Variants in DMRT1 observed in about 807,000 individuals in gnomAD.
DMRT1 encodes doublesex and mab-3 related transcription factor 1, also known as doublesex- and mab-3-related transcription factor 1.
In DMRT1, 7 loss-of-function variants were observed where a neutral mutation model predicts 32.3. That is an observed-to-expected ratio of 0.22 (90% CI 0.12 to 0.41). DMRT1 has a LOEUF of 0.41. Among genes scored for constraint, DMRT1 ranks in the 10% least tolerant of loss-of-function variants. The pLI is 1.00. For synonymous variants in DMRT1, 278 were observed against 206.1 expected, an observed-to-expected ratio of 1.35 and a Z score of -2.99; for missense variants, 625 against 500.5, an observed-to-expected ratio of 1.25 and a Z score of -2.37.
chr9:932,453 T>C (rs1818756485), intron 4 of DMRT1, among the ~76,000 whole-genome samples: 2 of 152,216 alleles, frequency 1.3e-5, no homozygotes, highest in Non-Finnish European at 2.9e-5. Flanking sequence ...AATGTCTATA[T>C]AGACCATCCA....
At chr9:939,575 C>T (rs1288550483) in intron 4 of DMRT1, among the ~76,000 whole-genome samples, 1 of 152,052 alleles carries the variant, frequency 6.6e-6, no homozygotes, top group African/African-American at 2.4e-5. Context: ...CTTTATTATT[C>T]CTTTATTGGC....
chr9:933,616 A>T (rs190219896), intron 4 of DMRT1, among the ~76,000 whole-genome samples: 2,938 of 152,260 alleles, frequency 0.019, 48 homozygotes, highest in Middle Eastern at 0.061. Context: ...GTAGACCTGC[A>T]CCATCCAGTA....
intron 2 of DMRT1, among the ~76,000 whole-genome samples, chr9:853,387 G>A (rs931920327): frequency 6.6e-6 from 1 of 151,546 alleles, no homozygotes; most frequent in Non-Finnish European, 1.5e-5. Context: ...ATTCTCTGTG[G>A]GGTTATTTAA....
At position 885,796 on chromosome 9, in the gene DMRT1, C is replaced by T. The variant is rs1417580527; in HGVS notation, c.539-8116C>T. On this transcript the variant is annotated intron_variant, in intron 2 of 4. Transcript: ENST00000382276. ...TCGCAAGGGACCACGCCCACCTCTA[C>T]CCAGCACTTCCCTGCCCACTTCTGT... Among the ~76,000 whole-genome samples the T allele has an allele frequency of 7.9e-5, 12 of 152,286 alleles. No individual in the cohort carries two copies. The East Asian group carries it at 2.3e-3, about 29-fold the overall frequency.
chr9:950,943 A>G (rs1275632741), intron 4 of DMRT1, among the ~76,000 whole-genome samples: 2 of 152,214 alleles, frequency 1.3e-5, no homozygotes, highest in Non-Finnish European at 2.9e-5. Flanking sequence ...TTCTTAAATA[A>G]ATGGATGACC....
At chr9:922,460 G>T (rs1304066295) in intron 4 of DMRT1, among the ~76,000 whole-genome samples, 1 of 152,160 alleles carries the variant, frequency 6.6e-6, no homozygotes, top group East Asian at 1.9e-4. Context: ...GATCTCCACA[G>T]CAGCCCCTGT....
chr9:962,602 G>C (rs943545547), intron 4 of DMRT1, among the ~76,000 whole-genome samples: 6 of 151,964 alleles, frequency 3.9e-5, no homozygotes, highest in Non-Finnish European at 4.4e-5. Context: ...GCCATGCTGT[G>C]GTCCAGGAGG....
intron 2 of DMRT1, among the ~76,000 whole-genome samples, chr9:872,684 T>C (rs1816325866): frequency 2.0e-5 from 3 of 152,256 alleles, no homozygotes; most frequent in African/African-American, 7.2e-5. Flanking sequence ...CTTATCAGTA[T>C]TTTATTGTAT....
At chr9:894,915 G>C (rs959617061) in intron 3 of DMRT1, 5 of 152,326 alleles carry the variant, frequency 3.3e-5, no homozygotes, top group African/African-American at 1.2e-4. Flanking sequence ...CTGGGTTCAA[G>C]TGCTTCTTTT....
chr9:887,478 A>C (rs559805682), intron 2 of DMRT1, among the ~76,000 whole-genome samples: 1 of 152,316 alleles, frequency 6.6e-6, no homozygotes, highest in Admixed American at 6.5e-5. Context: ...TTGGCCTGGC[A>C]TTCACATTCA....
intron 4 of DMRT1, among the ~76,000 whole-genome samples, chr9:940,472 G>T (rs1819027182): frequency 6.6e-6 from 1 of 151,150 alleles, no homozygotes; most frequent in Non-Finnish European, 1.5e-5. Context: ...CTTAACAAAT[G>T]AGCTAGGAAA....
intron 2 of DMRT1, among the ~76,000 whole-genome samples, chr9:892,854 C>T (rs1397003129): frequency 6.6e-6 from 1 of 152,152 alleles, no homozygotes; most frequent in African/African-American, 2.4e-5. Flanking sequence ...ACTTCCCTGC[C>T]CATCATTCCA....
intron 4 of DMRT1, among the ~76,000 whole-genome samples, chr9:920,503 G>A (rs1818319110): frequency 1.3e-5 from 2 of 152,158 alleles, no homozygotes; most frequent in Admixed American, 6.5e-5. Flanking sequence ...CTTCTGAGTG[G>A]TCACTTTGGT....
rs10977211 is a variant in DMRT1, at chr9:867,164, C to G, written c.538+20021C>G. Among the ~76,000 whole-genome samples, 15 of 151,812 alleles carry G rather than the reference C, an allele frequency of 9.9e-5. No individual in the cohort carries two copies. In the East Asian group the frequency reaches 2.9e-3, roughly 29 times the overall value. ...TTTGACAGGGAACAAAAGCATGCAT[C>G]TAGGAGCAGGGGGAAATTGGGTAGG... is the stretch of plus-strand genomic sequence containing the variant. On this transcript the variant is annotated intron_variant, in intron 2 of 4. Coordinates refer to ENST00000382276, the MANE Select transcript of DMRT1 (RefSeq NM_021951.3).
chr9:900,486 G>A (rs1389200324), intron 3 of DMRT1, among the ~76,000 whole-genome samples: 2 of 152,050 alleles, frequency 1.3e-5, no homozygotes, highest in East Asian at 1.9e-4. Context: ...TGTGGGGGTG[G>A]CCAGAGCACT....
chr9:935,180 T>G (rs769481631), intron 4 of DMRT1, among the ~76,000 whole-genome samples: 8 of 152,220 alleles, frequency 5.3e-5, no homozygotes, highest in Non-Finnish European at 1.2e-4. Flanking sequence ...TACCCAGTTT[T>G]TAAGGATCAT....
chr9:873,053 G>C (rs966254424), intron 2 of DMRT1, among the ~76,000 whole-genome samples: 8 of 152,176 alleles, frequency 5.3e-5, no homozygotes, highest in African/African-American at 1.9e-4. Flanking sequence ...TGAGCAGTTT[G>C]CTAGGTAACC....
At position 968,130 on chromosome 9, in the gene DMRT1, G is replaced by C. The variant is rs751068598; in HGVS notation, c.1113G>C (p.Glu371Asp). Residue 371 changes from glutamate (E) to aspartate (D), a missense_variant, in exon 5 of 5, where the codon GAG becomes GAC. By Grantham distance (45) the Glu-to-Asp change is conservative. Coordinates refer to ENST00000382276, the MANE Select transcript of DMRT1 (RefSeq NM_021951.3). ...TCACAGTCACTCCCGTCATCGAGGA[G>C]GACGAGTGAGCAGTGCCTGCTGCCG... Reference protein sequence around the residue: ...SSFTVTPVIEEDE With the variant: ...SSFTVTPVIEDDE The C allele has an allele frequency of 5.0e-6, 8 of 1,609,310 alleles. No individual in the cohort carries two copies. In the East Asian group the frequency reaches 1.8e-4, roughly 36 times the overall value.
intron 2 of DMRT1, among the ~76,000 whole-genome samples, chr9:891,416 A>G (rs569583856): frequency 6.6e-6 from 1 of 152,016 alleles, no homozygotes; most frequent in South Asian, 2.1e-4. Context: ...GTACCACTGC[A>G]CTCCAGCCTG....
Sources: gnomAD v4.1 joint callset for allele counts (sites outside exome capture counted in the v4.1 genomes callset) on GRCh38, gnomAD v4.1.1 for gene constraint, MANE v1.5 for transcripts, NCBI Gene and HGNC (gene_info 2026-07-23, HGNC 2026-07-21) for gene names.